Variants in HS6ST3 observed in about 807,000 individuals in gnomAD.
HS6ST3 encodes the protein heparan-sulfate 6-O-sulfotransferase 3.
A neutral mutation model predicts 36.7 loss-of-function variants in HS6ST3; 12 were observed. The observed-to-expected ratio is 0.33, with a 90% confidence interval of 0.21 to 0.53. The LOEUF is 0.53. Among genes scored for constraint, HS6ST3 ranks in the 20% least tolerant of loss-of-function variants. The pLI, the probability that HS6ST3 is intolerant of heterozygous loss-of-function variation, is 0.95. For missense variants in HS6ST3, 584 were observed against 640.9 expected (o/e 0.91, Z 0.96); for synonymous variants, 240 against 257.5 (o/e 0.93, Z 0.65).
At chr13:96,199,141 A>C (rs2054329074) in intron 1 of HS6ST3, among the ~76,000 whole-genome samples, 1 of 152,216 alleles carries the variant, frequency 6.6e-6, no homozygotes, top group Non-Finnish European at 1.5e-5. Context: ...CCCATGATGC[A>C]GTTACCTCCT....
chr13:96,130,441 C>T (rs1199177881), intron 1 of HS6ST3, among the ~76,000 whole-genome samples: 1 of 152,146 alleles, frequency 6.6e-6, no homozygotes, highest in Non-Finnish European at 1.5e-5. Context: ...GATTTGTTAT[C>T]ATTAAAATGA....
intron 1 of HS6ST3, among the ~76,000 whole-genome samples, chr13:96,804,725 G>A (rs1329201106): frequency 6.6e-6 from 1 of 152,104 alleles, no homozygotes; most frequent in African/African-American, 2.4e-5. Flanking sequence ...TAAGTAGCAT[G>A]GAATGCGGGA....
chr13:96,481,211 A>G (rs1366256684), intron 1 of HS6ST3, among the ~76,000 whole-genome samples: 1 of 152,220 alleles, frequency 6.6e-6, no homozygotes, highest in African/African-American at 2.4e-5. Context: ...GTCTAAAATC[A>G]AAGTGCACGT....
intron 1 of HS6ST3, among the ~76,000 whole-genome samples, 189 bp downstream of exon 1, chr13:96,091,758 C>T (rs1024508646): frequency 6.6e-6 from 1 of 152,024 alleles, no homozygotes; most frequent in African/African-American, 2.4e-5. Context: ...ACTCGTTCTT[C>T]CCCCAGCCCC....
intron 1 of HS6ST3, among the ~76,000 whole-genome samples, chr13:96,541,750 T>C (rs1329533750): frequency 1.3e-5 from 2 of 152,188 alleles, no homozygotes; most frequent in Non-Finnish European, 2.9e-5. Flanking sequence ...TCATGGAATA[T>C]ATAAGAACGT....
intron 1 of HS6ST3, among the ~76,000 whole-genome samples, chr13:96,241,242 G>A (rs76956907): frequency 0.012 from 1,760 of 151,116 alleles, 36 homozygotes; most frequent in African/African-American, 0.041. Flanking sequence ...GATTTTTGTC[G>A]TATAACTCAA....
At chr13:96,731,516 G>A (rs4771959) in intron 1 of HS6ST3, among the ~76,000 whole-genome samples, 71,545 of 151,972 alleles carry the variant, frequency 0.47, 17,309 homozygotes, top group African/African-American at 0.59. Context: ...GGTTGATTCT[G>A]TATCTTGGCT....
intron 1 of HS6ST3, among the ~76,000 whole-genome samples, chr13:96,455,176 A>G (rs2055748854): frequency 1.3e-5 from 2 of 152,186 alleles, no homozygotes. Context: ...AGTAGATCCC[A>G]ATAAGTATTA....
intron 1 of HS6ST3, among the ~76,000 whole-genome samples, chr13:96,139,687 A>G (rs944492200): frequency 6.6e-6 from 1 of 151,944 alleles, no homozygotes; most frequent in Non-Finnish European, 1.5e-5. Context: ...TGAGTTTTGC[A>G]TAGGACTACA....
chr13:96,801,913 A>G (rs1156574308), intron 1 of HS6ST3, among the ~76,000 whole-genome samples: 1 of 152,146 alleles, frequency 6.6e-6, no homozygotes, highest in African/African-American at 2.4e-5. Flanking sequence ...GAGGGATGTC[A>G]CAGGAAGATC....
chr13:96,777,935 G>A (rs572867611), intron 1 of HS6ST3, among the ~76,000 whole-genome samples: 1 of 151,890 alleles, frequency 6.6e-6, no homozygotes, highest in Non-Finnish European at 1.5e-5. Context: ...ACTACAAGGC[G>A]ACAGTAACCA....
intron 1 of HS6ST3, among the ~76,000 whole-genome samples, chr13:96,392,240 A>G (rs2055399484): frequency 1.3e-5 from 2 of 152,166 alleles, no homozygotes; most frequent in Non-Finnish European, 1.5e-5. Context: ...CTCTACTATC[A>G]TTTTATCCTT....
intron 1 of HS6ST3, among the ~76,000 whole-genome samples, chr13:96,340,620 C>A (rs1398944506): frequency 6.6e-6 from 1 of 152,208 alleles, no homozygotes; most frequent in Admixed American, 6.5e-5. Context: ...ACTGGAGGGA[C>A]CTGCTCAGGT....
intron 1 of HS6ST3, among the ~76,000 whole-genome samples, chr13:96,211,699 C>G (rs1031324076): frequency 3.3e-5 from 5 of 152,108 alleles, no homozygotes; most frequent in Admixed American, 1.3e-4. Flanking sequence ...ATGCTATTCT[C>G]TCATGGAAGT....
intron 1 of HS6ST3, among the ~76,000 whole-genome samples, chr13:96,627,733 A>G (rs908936370): frequency 6.6e-6 from 1 of 151,466 alleles, no homozygotes; most frequent in Non-Finnish European, 1.5e-5. Context: ...ATGTTCTCTC[A>G]TTTTTCTTGA....
At chr13:96,092,556 A>T (rs114854359) in intron 1 of HS6ST3, among the ~76,000 whole-genome samples, 1 of 152,254 alleles carries the variant, frequency 6.6e-6, no homozygotes, top group Admixed American at 6.5e-5. Context: ...GGACGAAAAT[A>T]TTAAAAGCTT....
chr13:96,406,540 C>A (rs1366586580), intron 1 of HS6ST3, among the ~76,000 whole-genome samples: 1 of 152,216 alleles, frequency 6.6e-6, no homozygotes, highest in Non-Finnish European at 1.5e-5. Context: ...TTGCATTTCA[C>A]AACCAGGGAG....
At chr13:96,793,101 G>A (rs1402261850) in intron 1 of HS6ST3, among the ~76,000 whole-genome samples, 1 of 152,034 alleles carries the variant, frequency 6.6e-6, no homozygotes, top group Non-Finnish European at 1.5e-5. Context: ...CGTCTCGCCA[G>A]CATACCCTCA....
At chr13:96,103,623 A>G (rs1417938196) in intron 1 of HS6ST3, among the ~76,000 whole-genome samples, 2 of 152,214 alleles carry the variant, frequency 1.3e-5, no homozygotes, top group African/African-American at 4.8e-5. Context: ...TAAATTATAC[A>G]GTACTGTGCT....
Sources: allele counts gnomAD v4.1 joint callset (sites outside exome capture counted in the v4.1 genomes callset), GRCh38; gene constraint gnomAD v4.1.1; transcripts MANE v1.5; gene names NCBI Gene and HGNC (gene_info 2026-07-23, HGNC 2026-07-21).